Variants in RAI2 observed in about 807,000 individuals in gnomAD.
The protein encoded by RAI2 is retinoic acid induced 2, also known as retinoic acid-induced protein 2.
In RAI2, 5 loss-of-function variants were observed where a neutral mutation model predicts 15.3. The observed-to-expected ratio is 0.33, with a 90% confidence interval of 0.17 to 0.69. The LOEUF is 0.69. Among genes scored for constraint, RAI2 ranks in the 30% least tolerant of loss-of-function variants. RAI2 has a pLI of 0.69. For synonymous variants in RAI2, 191 were observed against 184.0 expected, an observed-to-expected ratio of 1.04 and a Z score of -0.31; for missense variants, 424 against 424.7, an observed-to-expected ratio of 1.00 and a Z score of 0.01.
At chrX:17,856,504 G>A (rs1298102924) in intron 1 of RAI2, among the ~76,000 whole-genome samples, 2 of 112,334 alleles carry the variant, frequency 1.8e-5, no homozygotes, top group African/African-American at 6.5e-5. Context: ...GAATCTGCCG[G>A]TATCTTGATC....
At chrX:17,852,345 G>C (rs889633361) in intron 1 of RAI2, among the ~76,000 whole-genome samples, 4 of 111,728 alleles carry the variant, frequency 3.6e-5, no homozygotes, top group African/African-American at 1.3e-4. Context: ...TAGTATGCAA[G>C]GGAATCCTAC....
chrX:17,810,556 T>C (rs2067036872), intron 1 of RAI2, among the ~76,000 whole-genome samples: 1 of 112,435 alleles, frequency 8.9e-6, no homozygotes, highest in African/African-American at 3.2e-5. Flanking sequence ...TGCCCTACTC[T>C]CACTCAGGCC....
intron 1 of RAI2, among the ~76,000 whole-genome samples, chrX:17,810,496 G>T (rs771744712): frequency 1.8e-5 from 2 of 112,842 alleles, no homozygotes; most frequent in African/African-American, 6.4e-5. Context: ...CTGTTGGAAT[G>T]TTGTTTTATA....
chrX:17,816,044 C>A (rs542617319), intron 1 of RAI2, among the ~76,000 whole-genome samples: 1 of 109,488 alleles, frequency 9.1e-6, no homozygotes. Context: ...CATTCTTTTT[C>A]TTTCTCTCTC....
At chrX:17,832,595 A>T (rs1445552724) in intron 1 of RAI2, among the ~76,000 whole-genome samples, 1 of 112,069 alleles carries the variant, frequency 8.9e-6, no homozygotes, top group Non-Finnish European at 1.9e-5. Context: ...AATGATCAGG[A>T]GAGATGCCCC....
intron 1 of RAI2, among the ~76,000 whole-genome samples, chrX:17,818,883 G>A (rs1483449902): frequency 5.3e-5 from 6 of 113,118 alleles, no homozygotes; most frequent in African/African-American, 1.6e-4. Flanking sequence ...CCCTGAGCAG[G>A]CTCACGGGCT....
At chrX:17,806,288 C>T (rs913431607) in intron 1 of RAI2, among the ~76,000 whole-genome samples, 4 of 111,622 alleles carry the variant, frequency 3.6e-5, no homozygotes, top group African/African-American at 1.3e-4. Context: ...TCAAAGGAGC[C>T]GGTTGATGCT....
chrX:17,810,793 G>A, intron 1 of RAI2, among the ~76,000 whole-genome samples: 1 of 112,850 alleles, frequency 8.9e-6, no homozygotes, highest in Non-Finnish European at 1.9e-5. Context: ...GGGCCTGACT[G>A]CAGGGCTACA....
At chrX:17,806,748 T>A (rs1202972474) in intron 1 of RAI2, among the ~76,000 whole-genome samples, 1 of 111,301 alleles carries the variant, frequency 9.0e-6, no homozygotes, top group Non-Finnish European at 1.9e-5. Context: ...AGAGGTTTAA[T>A]TGGCTCACGG....
chrX:17,809,628 A>AT (rs1449246332), intron 1 of RAI2, among the ~76,000 whole-genome samples: 1 of 109,495 alleles, frequency 9.1e-6, no homozygotes, highest in East Asian at 2.9e-4. Flanking sequence ...AGTGCTCAAA[A>AT]TTTTTTTTTT....
intron 1 of RAI2, among the ~76,000 whole-genome samples, chrX:17,850,179 G>A (rs2067511482): frequency 1.8e-5 from 2 of 112,356 alleles, no homozygotes; most frequent in Non-Finnish European, 3.8e-5. Flanking sequence ...AGGGGCCACT[G>A]AATGTTCTTG....
intron 1 of RAI2, among the ~76,000 whole-genome samples, chrX:17,836,766 C>G (rs1209377926): frequency 8.9e-6 from 1 of 112,292 alleles, no homozygotes; most frequent in African/African-American, 3.2e-5. Flanking sequence ...AAGCATTTTT[C>G]CTTGGGGAGG....
chrX:17,815,212 G>T (rs202074958), intron 1 of RAI2, among the ~76,000 whole-genome samples: 1 of 111,348 alleles, frequency 9.0e-6, no homozygotes, highest in Non-Finnish European at 1.9e-5. Context: ...GAAAAAGATC[G>T]GCTGTATAAC....
At chrX:17,807,271 G>A (rs1288186468) in intron 1 of RAI2, among the ~76,000 whole-genome samples, 4 of 111,437 alleles carry the variant, frequency 3.6e-5, no homozygotes, top group African/African-American at 1.3e-4. Flanking sequence ...ACTTGACTTT[G>A]TCTAGTCCTG....
chrX:17,808,883 T>A (rs1218885142), intron 1 of RAI2, among the ~76,000 whole-genome samples: 2 of 112,684 alleles, frequency 1.8e-5, no homozygotes, highest in African/African-American at 6.5e-5. Context: ...ATAATTTTCA[T>A]CATTTAATTC....
intron 1 of RAI2, among the ~76,000 whole-genome samples, 183 bp from the exon 2 acceptor site, chrX:17,802,217 C>A (rs114476456): frequency 0.045 from 5,048 of 112,105 alleles, 287 homozygotes; most frequent in African/African-American, 0.15. Flanking sequence ...CCACATGATC[C>A]TGTGTGCGTG....
At chrX:17,854,276 A>C (rs200171654) in intron 1 of RAI2, among the ~76,000 whole-genome samples, 1 of 112,069 alleles carries the variant, frequency 8.9e-6, no homozygotes, top group Non-Finnish European at 1.9e-5. Flanking sequence ...AATTAATAGT[A>C]AGCAAAAGAA....
intron 1 of RAI2, among the ~76,000 whole-genome samples, chrX:17,806,340 C>A (rs768795856): frequency 1.8e-5 from 2 of 112,108 alleles, no homozygotes; most frequent in Admixed American, 9.4e-5. Context: ...TGACAGGGAA[C>A]ATTTCGTTTG....
chrX:17,859,888 C>A (rs2067665833), intron 1 of RAI2, among the ~76,000 whole-genome samples: 1 of 112,568 alleles, frequency 8.9e-6, no homozygotes, highest in African/African-American at 3.2e-5. Context: ...ATGGTGTCGG[C>A]GCCTCCTTGT....
Sources: gnomAD v4.1 joint callset for allele counts (sites outside exome capture counted in the v4.1 genomes callset) on GRCh38, gnomAD v4.1.1 for gene constraint, MANE v1.5 for transcripts, NCBI Gene and HGNC (gene_info 2026-07-23, HGNC 2026-07-21) for gene names.